ADGRL3: variants seen among roughly 807,000 people sequenced by gnomAD.
The protein encoded by ADGRL3 is adhesion G protein-coupled receptor L3.
A neutral mutation model predicts 153.5 loss-of-function variants in ADGRL3; 62 were observed. The observed-to-expected ratio is 0.40, with a 90% CI of 0.33 to 0.50. ADGRL3 has a LOEUF of 0.50. Among genes scored for constraint, ADGRL3 ranks in the 20% least tolerant of loss-of-function variants. The pLI, the probability that ADGRL3 is intolerant of heterozygous loss-of-function variation, is 0.47. For missense variants in ADGRL3, 1,641 were observed against 1,859.4 expected (o/e 0.88, Z 2.16); for synonymous variants, 710 against 672.5 (o/e 1.06, Z -0.86).
intron 8 of ADGRL3, among the ~76,000 whole-genome samples, chr4:61,757,606 G>T (rs547066893): frequency 1.3e-5 from 2 of 151,856 alleles, no homozygotes; most frequent in Non-Finnish European, 2.9e-5. Context: ...GGGTTTTTTT[G>T]TGTCTCTATT....
intron 11 of ADGRL3, among the ~76,000 whole-genome samples, chr4:61,905,855 A>G (rs1581398923): frequency 6.6e-6 from 1 of 151,772 alleles, no homozygotes; most frequent in South Asian, 2.1e-4. Context: ...AGATCATGCC[A>G]CTGCACTCCA....
intron 9 of ADGRL3, among the ~76,000 whole-genome samples, chr4:61,855,159 T>G (rs1242722238): frequency 6.6e-6 from 1 of 152,164 alleles, no homozygotes; most frequent in Admixed American, 6.5e-5. Context: ...GAGTATTGGT[T>G]GATTAGTTGA....
At chr4:61,544,239 G>A (rs2098703378) in intron 4 of ADGRL3, among the ~76,000 whole-genome samples, 1 of 152,008 alleles carries the variant, frequency 6.6e-6, no homozygotes, top group African/African-American at 2.4e-5. Context: ...CAACCTTAAT[G>A]GTGTTCAGTT....
intron 2 of ADGRL3, among the ~76,000 whole-genome samples, chr4:61,453,539 G>A (rs1291967601): frequency 6.6e-6 from 1 of 151,754 alleles, no homozygotes; most frequent in Non-Finnish European, 1.5e-5. Flanking sequence ...TTTTTAATAG[G>A]CGCTGTATGG....
At chr4:61,240,236 T>C (rs1754396622) in intron 1 of ADGRL3, among the ~76,000 whole-genome samples, 1 of 152,078 alleles carries the variant, frequency 6.6e-6, no homozygotes, top group African/African-American at 2.4e-5. Context: ...GGCCCAGCTA[T>C]TTCCCTAGAG....
rs569023653 is a variant in ADGRL3 at position 62,059,830 on chromosome 4, C to T, written c.3815-8336C>T. On this transcript the variant is annotated intron_variant, in intron 25 of 26. Coordinates refer to ENST00000683033, the MANE Select transcript of ADGRL3 (RefSeq NM_001387552.1). The stretch of plus-strand genomic sequence containing the variant: ...GGATTTTCCAGCTTTGCAGAAATGA[C>T]GGAACAATAAAATGAACTTTAGAAC... 1.3e-3 allele frequency among the ~76,000 whole-genome samples: 199 copies of T among 152,050 alleles called. 3 individuals are homozygous for T. The South Asian group carries it at 0.039, about 29-fold the overall frequency.
intron 5 of ADGRL3, among the ~76,000 whole-genome samples, chr4:61,596,258 C>T (rs1003830352): frequency 2.6e-5 from 4 of 152,156 alleles, no homozygotes; most frequent in Admixed American, 1.3e-4. Context: ...CCCTTAGTTA[C>T]TTTTTAATAC....
At chr4:61,870,813 G>T (rs2098439410) in intron 9 of ADGRL3, among the ~76,000 whole-genome samples, 2 of 152,134 alleles carry the variant, frequency 1.3e-5, no homozygotes, top group African/African-American at 4.8e-5. Flanking sequence ...CCAGAATATG[G>T]AGAAATTGGA....
intron 1 of ADGRL3, among the ~76,000 whole-genome samples, chr4:61,256,038 C>T (rs566539905): frequency 7.9e-5 from 12 of 152,208 alleles, no homozygotes; most frequent in African/African-American, 1.4e-4. Flanking sequence ...CTACTTTGCA[C>T]GTCCTTTCAA....
intron 6 of ADGRL3, among the ~76,000 whole-genome samples, chr4:61,690,017 A>G (rs2095510731): frequency 6.6e-6 from 1 of 152,136 alleles, no homozygotes; most frequent in Non-Finnish European, 1.5e-5. Context: ...ATCGCTACAC[A>G]CTAACCATTT....
chr4:61,436,941 A>T (rs1183129553), intron 2 of ADGRL3, among the ~76,000 whole-genome samples: 1 of 152,116 alleles, frequency 6.6e-6, no homozygotes, highest in Non-Finnish European at 1.5e-5. Flanking sequence ...TGATCAGCCC[A>T]TAGGTAATAG....
At chr4:61,547,519 T>G (rs1053779446) in intron 4 of ADGRL3, among the ~76,000 whole-genome samples, 7 of 152,100 alleles carry the variant, frequency 4.6e-5, no homozygotes, top group African/African-American at 7.2e-5. Flanking sequence ...GTATTTGGTT[T>G]TCTGTTCCTG....
chr4:61,768,507 T>A (rs375987214), intron 8 of ADGRL3, among the ~76,000 whole-genome samples: 1 of 152,064 alleles, frequency 6.6e-6, no homozygotes, highest in African/African-American at 2.4e-5. Context: ...ATGCCTGGAC[T>A]TCAGGCACCT....
chr4:61,338,381 T>C (rs1230659525), intron 1 of ADGRL3, among the ~76,000 whole-genome samples: 1 of 134,394 alleles, frequency 7.4e-6, no homozygotes, highest in Non-Finnish European at 1.6e-5. Context: ...ATGATTATCA[T>C]TCAGTGTGTG....
intron 6 of ADGRL3, among the ~76,000 whole-genome samples, chr4:61,709,802 G>A (rs2151444499): frequency 6.6e-6 from 1 of 152,204 alleles, no homozygotes; most frequent in Non-Finnish European, 1.5e-5. Flanking sequence ...CTTTATTAAT[G>A]ATTACAATCA....
intron 1 of ADGRL3, among the ~76,000 whole-genome samples, chr4:61,324,016 G>T (rs2095417372): frequency 6.6e-6 from 1 of 152,178 alleles, no homozygotes. Context: ...TAAGGAGGAG[G>T]AGGTCACATC....
chr4:61,785,201 A>G (rs955787946), intron 8 of ADGRL3, among the ~76,000 whole-genome samples: 1 of 152,196 alleles, frequency 6.6e-6, no homozygotes, highest in Non-Finnish European at 1.5e-5. Flanking sequence ...TGGAAGAGAA[A>G]GTATTCATGC....
chr4:61,654,240 GA>G (rs1442322241), intron 5 of ADGRL3, among the ~76,000 whole-genome samples: 22 of 152,100 alleles, frequency 1.4e-4, no homozygotes, highest in Non-Finnish European at 2.6e-4. Context: ...TCTGATAGTG[GA>G]AATGTCATAA....
At chr4:61,907,334 C>T (rs946816647) in intron 11 of ADGRL3, among the ~76,000 whole-genome samples, 2 of 152,074 alleles carry the variant, frequency 1.3e-5, no homozygotes, top group Admixed American at 6.6e-5. Flanking sequence ...TCTCAGCTCA[C>T]GGCAACCTCC....
Sources: allele counts gnomAD v4.1 joint callset (sites outside exome capture counted in the v4.1 genomes callset), GRCh38; gene constraint gnomAD v4.1.1; transcripts MANE v1.5; gene names NCBI Gene and HGNC (gene_info 2026-07-23, HGNC 2026-07-21).